The following TMCC3 variants were observed in gnomAD, a reference collection of about 807,000 sequenced individuals.
The protein encoded by TMCC3 is transmembrane and coiled-coil domain protein 3.
Under a neutral mutation model 40.2 loss-of-function variants are expected in TMCC3, and 28 were observed. The observed-to-expected ratio is 0.70, with a 90% CI of 0.52 to 0.95. The LOEUF (loss-of-function observed/expected upper bound fraction) is 0.95, where lower values mean the gene tolerates loss of function less well. TMCC3 is among the 40% of genes least tolerant of loss of function. The pLI is 0.00. For missense variants in TMCC3, 554 were observed against 615.2 expected, an observed-to-expected ratio of 0.90 and a Z score of 1.05; for synonymous variants, 255 against 248.5, an observed-to-expected ratio of 1.03 and a Z score of -0.25.
intron 1 of TMCC3, among the ~76,000 whole-genome samples, chr12:94,630,030 C>T (rs1594295430): frequency 6.6e-6 from 1 of 152,210 alleles, no homozygotes; most frequent in Non-Finnish European, 1.5e-5. Context: ...CTTTGGGAGG[C>T]TATGGCAGGC....
At chr12:94,586,828 A>T (rs891184051) in intron 1 of TMCC3, among the ~76,000 whole-genome samples, 1 of 152,240 alleles carries the variant, frequency 6.6e-6, no homozygotes, top group Non-Finnish European at 1.5e-5. Flanking sequence ...AATGCTTTGC[A>T]TGTTCTCAAG....
At chr12:94,619,824 T>C (rs375175805) in intron 1 of TMCC3, among the ~76,000 whole-genome samples, 1 of 152,202 alleles carries the variant, frequency 6.6e-6, no homozygotes, top group African/African-American at 2.4e-5. Context: ...AAATAATAGA[T>C]ATGTATATTT....
intron 3 of TMCC3, among the ~76,000 whole-genome samples, chr12:94,573,670 T>C (rs925329257): frequency 6.6e-6 from 1 of 152,108 alleles, no homozygotes; most frequent in Admixed American, 6.6e-5. Context: ...CCTCAACCTC[T>C]GGTCTCCTGC....
At chr12:94,632,665 C>T (rs1311846221) in intron 1 of TMCC3, among the ~76,000 whole-genome samples, 5 of 152,170 alleles carry the variant, frequency 3.3e-5, no homozygotes, top group African/African-American at 1.2e-4. Context: ...CCTTAAGAAA[C>T]TCTCCCACGA....
chr12:94,604,571 G>A (rs1423301513), intron 1 of TMCC3, among the ~76,000 whole-genome samples: 3 of 150,246 alleles, frequency 2.0e-5, no homozygotes, highest in East Asian at 2.0e-4. Context: ...TCTGGGGACC[G>A]AGGCAGGAGG....
chr12:94,586,491 A>AT (rs1327733824), intron 1 of TMCC3, among the ~76,000 whole-genome samples: 1 of 152,238 alleles, frequency 6.6e-6, no homozygotes, highest in Non-Finnish European at 1.5e-5. Context: ...TGTGAGTTTC[A>AT]TAAGAACTTG....
At chr12:94,595,523 C>T (rs974205691) in intron 1 of TMCC3, among the ~76,000 whole-genome samples, 2 of 152,158 alleles carry the variant, frequency 1.3e-5, no homozygotes, top group Admixed American at 6.5e-5. Flanking sequence ...ATGCAAGCCT[C>T]ATAATTAAAT....
At chr12:94,599,399 C>G (rs964737317) in intron 1 of TMCC3, among the ~76,000 whole-genome samples, 1 of 152,096 alleles carries the variant, frequency 6.6e-6, no homozygotes, top group Non-Finnish European at 1.5e-5. Flanking sequence ...CCCACATGCA[C>G]GGAGTATTTG....
At chr12:94,607,692 C>T (rs534077645) in intron 1 of TMCC3, among the ~76,000 whole-genome samples, 1 of 152,298 alleles carries the variant, frequency 6.6e-6, no homozygotes, top group Non-Finnish European at 1.5e-5. Flanking sequence ...AGGCATGAGC[C>T]ACCGTGCCCA....
At chr12:94,640,663 G>C (rs1031447890) in intron 1 of TMCC3, among the ~76,000 whole-genome samples, 13 of 152,218 alleles carry the variant, frequency 8.5e-5, no homozygotes, top group Admixed American at 6.5e-5. Flanking sequence ...GGGAATGACT[G>C]AACTTTGGGA....
intron 1 of TMCC3, among the ~76,000 whole-genome samples, chr12:94,586,851 C>T (rs974641146): frequency 2.4e-4 from 36 of 152,196 alleles, no homozygotes; most frequent in African/African-American, 9.7e-5. Flanking sequence ...TCCAGGTTGG[C>T]GAAAGCAACA....
At position 94,568,306 on chromosome 12, in the gene TMCC3, A is replaced by C. The variant is rs2068507115; in HGVS notation, c.*3129T>G. ...GTTGGGGGTGGGGTGTTCTGGTTTA[A>C]TCATATTCAGAGTTTGAGCTTGAAA... On this transcript the variant is annotated 3_prime_UTR_variant, in exon 4 of 4. Transcript: ENST00000261226. 1 of 147,110 alleles carries C rather than the reference A, an allele frequency of 6.8e-6. No individual in the cohort carries two copies. The highest frequency in any genetic ancestry group is 2.5e-5 in the African/African-American group (1 of 39,512). 9.1% of individuals were successfully genotyped at this position (147,110 alleles called of 1,614,324 possible).
chr12:94,605,527 T>C (rs903019456), intron 1 of TMCC3, among the ~76,000 whole-genome samples: 1 of 152,158 alleles, frequency 6.6e-6, no homozygotes, highest in South Asian at 2.1e-4. Context: ...TAAGCATCAT[T>C]TGAAGCTAAG....
intron 1 of TMCC3, among the ~76,000 whole-genome samples, chr12:94,618,473 A>G (rs1389712482): frequency 6.6e-6 from 1 of 152,236 alleles, no homozygotes; most frequent in Non-Finnish European, 1.5e-5. Context: ...TGATGTGGCA[A>G]CTGCCTCAAA....
rs200581265 is a variant in TMCC3, at chr12:94,581,821, C to T, written c.796G>A (p.Asp266Asn). 47 of 1,613,934 alleles carry T rather than the reference C, an allele frequency of 2.9e-5. No individual in the cohort carries two copies. The highest frequency in any genetic ancestry group is 3.9e-5 in the Non-Finnish European group (46 of 1,179,906). ...ECSSGTSGSA[D>N]SNGNQSFGAG... ...CCAAACGACTGGTTTCCGTTACTGTCGGCCGAGCCTGACGTGCCACTCGAA... is the reference window on the plus strand; with the variant it reads ...CCAAACGACTGGTTTCCGTTACTGTTGGCCGAGCCTGACGTGCCACTCGAA... Residue 266 changes from aspartate to asparagine, a missense_variant, in exon 2 of 4, where the codon GAC becomes AAC. Coordinates refer to ENST00000261226, the MANE Select transcript of TMCC3 (RefSeq NM_020698.4).
At position 94,586,579 on chromosome 12, in the gene TMCC3, C is replaced by A. The variant is rs111754737; in HGVS notation, c.79-4041G>T. Among the ~76,000 whole-genome samples the A allele has an allele frequency of 3.7e-3, 568 of 152,344 alleles. 5 individuals are homozygous for A. Among genetic ancestry groups the A allele is most frequent in the African/African-American group, 0.013 (545 of 41,586 alleles). The stretch of plus-strand genomic sequence containing the variant: ...TGGCTGGCATTCTCTATTGAGAAGT[C>A]CACAACAACATCTAGAGGTAGAAAG... On this transcript the variant is annotated intron_variant, in intron 1 of 3. Coordinates refer to ENST00000261226, the MANE Select transcript of TMCC3 (RefSeq NM_020698.4).
intron 1 of TMCC3, among the ~76,000 whole-genome samples, chr12:94,650,102 C>T (rs1419647320): frequency 1.3e-5 from 2 of 152,126 alleles, no homozygotes; most frequent in African/African-American, 2.4e-5. Flanking sequence ...CCGGGCGTCC[C>T]GCATAGCGCG....
At chr12:94,607,572 G>T (rs377718729) in intron 1 of TMCC3, among the ~76,000 whole-genome samples, 1 of 152,250 alleles carries the variant, frequency 6.6e-6, no homozygotes, top group African/African-American at 2.4e-5. Context: ...TCCATTCGGG[G>T]TCCCTGACTT....
intron 1 of TMCC3, among the ~76,000 whole-genome samples, chr12:94,589,130 G>A (rs575173234): frequency 1.4e-5 from 2 of 143,214 alleles, no homozygotes; most frequent in South Asian, 4.4e-4. Flanking sequence ...GCCAGTATGA[G>A]GTTGTTGTTT....
Sources: allele counts gnomAD v4.1 joint callset (sites outside exome capture counted in the v4.1 genomes callset), GRCh38; gene constraint gnomAD v4.1.1; transcripts MANE v1.5; gene names NCBI Gene and HGNC (gene_info 2026-07-23, HGNC 2026-07-21).